The following SAMD3 variants were observed in gnomAD, a reference collection of about 807,000 sequenced individuals.
The protein encoded by SAMD3 is sterile alpha motif domain containing 3.
A neutral mutation model predicts 58.5 loss-of-function variants in SAMD3; 63 were observed. That is an observed-to-expected ratio of 1.08 (90% CI 0.88 to 1.33). SAMD3 has a LOEUF of 1.33. Among genes scored for constraint, SAMD3 ranks in the 40% most tolerant of loss-of-function variants. The pLI is 0.00. For missense variants in SAMD3, 604 were observed against 608.4 expected (o/e 0.99, Z 0.08); for synonymous variants, 220 against 210.3 (o/e 1.05, Z -0.40).
At chr6:130,345,519 A>C (rs545000353) in intron 1 of SAMD3, among the ~76,000 whole-genome samples, 1 of 152,100 alleles carries the variant, frequency 6.6e-6, no homozygotes, top group South Asian at 2.1e-4. Context: ...GGCTATGACA[A>C]GGCTTAGGTA....
chr6:130,152,597 A>G (rs1325581158), intron 9 of SAMD3, among the ~76,000 whole-genome samples: 1 of 152,078 alleles, frequency 6.6e-6, no homozygotes, highest in East Asian at 1.9e-4. Flanking sequence ...AAATCACTTG[A>G]ACCTGGGAGG....
intron 1 of SAMD3, among the ~76,000 whole-genome samples, chr6:130,363,217 C>T (rs1778036613): frequency 6.6e-6 from 1 of 152,148 alleles, no homozygotes; most frequent in Non-Finnish European, 1.5e-5. Context: ...GTTTAAGGAT[C>T]CCTTCTCAGG....
intron 2 of SAMD3, among the ~76,000 whole-genome samples, chr6:130,260,441 C>G (rs527601053): frequency 1.3e-5 from 2 of 152,316 alleles, no homozygotes; most frequent in South Asian, 2.1e-4. Flanking sequence ...GATCACGACC[C>G]TCTCTCACGG....
chr6:130,210,426 C>G (rs1795437675), intron 4 of SAMD3, among the ~76,000 whole-genome samples: 1 of 151,798 alleles, frequency 6.6e-6, no homozygotes, highest in South Asian at 2.1e-4. Flanking sequence ...TGACAAAACC[C>G]TGTCTTTACT....
At chr6:130,269,529 C>G (rs1774483417) in intron 2 of SAMD3, among the ~76,000 whole-genome samples, 3 of 152,066 alleles carry the variant, frequency 2.0e-5, no homozygotes, top group Admixed American at 6.5e-5. Flanking sequence ...TTCTTACTAT[C>G]CCTTTAATGG....
chr6:130,179,617 AAAAATT>A (rs1425463691), intron 7 of SAMD3, among the ~76,000 whole-genome samples: 2 of 152,102 alleles, frequency 1.3e-5, no homozygotes, highest in Non-Finnish European at 2.9e-5. Context: ...AAAAAAAAAA[AAAAATT>A]AAAGAGACAT....
intron 2 of SAMD3, among the ~76,000 whole-genome samples, chr6:130,296,359 C>G (rs1433732241): frequency 2.0e-5 from 3 of 152,096 alleles, no homozygotes; most frequent in African/African-American, 7.2e-5. Flanking sequence ...CCAGGAAACT[C>G]AGAGTCCATG....
chr6:130,216,521 C>T (rs1796012337), intron 2 of SAMD3, 50 bp downstream of exon 2: 1 of 152,118 alleles, frequency 6.6e-6, no homozygotes, highest in South Asian at 2.1e-4. Context: ...AAAGAAGTTA[C>T]AATTACCAAC....
At chr6:130,314,666 T>C (rs574619421) in intron 1 of SAMD3, among the ~76,000 whole-genome samples, 15 of 152,310 alleles carry the variant, frequency 9.8e-5, no homozygotes, top group African/African-American at 3.6e-4. Context: ...TTAATTTCAA[T>C]AATTAACAAA....
intron 8 of SAMD3, among the ~76,000 whole-genome samples, chr6:130,158,528 C>G (rs1323578530): frequency 6.6e-6 from 1 of 151,608 alleles, no homozygotes; most frequent in Non-Finnish European, 1.5e-5. Flanking sequence ...ATTTTAAGAG[C>G]AAAAACTTAA....
intron 8 of SAMD3, among the ~76,000 whole-genome samples, chr6:130,155,857 G>T (rs75024091): frequency 1.3e-5 from 2 of 152,092 alleles, no homozygotes; most frequent in Non-Finnish European, 2.9e-5. Flanking sequence ...CCTAAACCAA[G>T]TGAAGGAACG....
In SAMD3 at chr6:130,214,426, A is replaced by G. The variant is rs776512649; in HGVS notation, c.180T>C (p.Ile60=). Residue 60 remains isoleucine, a synonymous_variant, in exon 4 of 12, where the codon ATT becomes ATC. Coordinates refer to ENST00000439090, the MANE Select transcript of SAMD3 (RefSeq NM_001017373.4). The stretch of plus-strand genomic sequence containing the variant: ...CTTGAGTGTTCTGCTTGTATTTTTT[A>G]ATTAAATCCATCAGAACAGCCTGGT... ...IGHQAVLMDL[I]KKYKQNTQGL... is the part of the protein sequence containing the mutation. The G allele has an allele frequency of 6.2e-7, 1 of 1,613,014 alleles. No homozygotes were observed. Among genetic ancestry groups the G allele is most frequent in the Non-Finnish European group, 8.5e-7 (1 of 1,179,574 alleles).
chr6:130,254,432 G>A (rs1773857258), intron 2 of SAMD3, among the ~76,000 whole-genome samples: 1 of 152,004 alleles, frequency 6.6e-6, no homozygotes, highest in Admixed American at 6.6e-5. Flanking sequence ...CCGACCTCAG[G>A]TTATCCACCC....
rs571873321 is a variant in SAMD3, at chr6:130,154,493, A to G, written c.1023+332T>C. 2.6e-5 allele frequency among the ~76,000 whole-genome samples: 4 copies of G among 151,884 alleles called. No individual in the cohort carries two copies. The South Asian group carries it at 8.3e-4, about 32-fold the overall frequency. On this transcript the variant is annotated intron_variant, in intron 9 of 11. Transcript: ENST00000439090. The stretch of plus-strand genomic sequence containing the variant: ...CAGATCACCTGAGGTCAGGAGTTCA[A>G]GACCAACCTGGTCAAGATGGTGAAA...
chr6:130,277,539 A>C (rs1247391658), intron 2 of SAMD3, among the ~76,000 whole-genome samples: 1 of 152,230 alleles, frequency 6.6e-6, no homozygotes, highest in Non-Finnish European at 1.5e-5. Context: ...AATGGTGTAC[A>C]GTCTACTGGT....
chr6:130,157,344 A>ATTTT lies in SAMD3; in HGVS notation c.823-2323_823-2320dup, dbSNP rs11405398. ...TATACCAAAAACCTAGAGCTAACAT[A>ATTTT]TTTTTTTTTTTTGAGACAAGGTCTC... On this transcript the variant is annotated intron_variant, in intron 8 of 11. Transcript: ENST00000439090. 1.9e-3 allele frequency among the ~76,000 whole-genome samples: 279 copies of ATTTT among 148,502 alleles called. 2 individuals are homozygous for ATTTT. Among genetic ancestry groups the ATTTT allele is most frequent in the African/African-American group, 6.7e-3 (275 of 40,744 alleles).
At chr6:130,217,124 T>C (rs1009565907) in intron 1 of SAMD3, among the ~76,000 whole-genome samples, 10 of 152,152 alleles carry the variant, frequency 6.6e-5, no homozygotes, top group African/African-American at 2.4e-4. Context: ...CATACAAACA[T>C]AATAAAATAA....
At chr6:130,325,971 C>A (rs1230424791) in intron 1 of SAMD3, among the ~76,000 whole-genome samples, 1 of 152,184 alleles carries the variant, frequency 6.6e-6, no homozygotes, top group Non-Finnish European at 1.5e-5. Flanking sequence ...ATGCGTCTCC[C>A]TTACATGACT....
intron 2 of SAMD3, among the ~76,000 whole-genome samples, chr6:130,252,459 A>G (rs1773770743): frequency 1.3e-5 from 2 of 152,176 alleles, no homozygotes; most frequent in Admixed American, 1.3e-4. Context: ...TAGTTTAATT[A>G]CAGAGAGAGA....
Sources: allele counts gnomAD v4.1 joint callset (sites outside exome capture counted in the v4.1 genomes callset), GRCh38; gene constraint gnomAD v4.1.1; transcripts MANE v1.5; gene names NCBI Gene and HGNC (gene_info 2026-07-23, HGNC 2026-07-21).